Variants in PABPC4L observed in about 807,000 individuals in gnomAD.
PABPC4L encodes the protein polyadenylate-binding protein 4-like.
For missense variants in PABPC4L, 452 were observed against 451.4 expected (o/e 1.00, Z -0.01); for synonymous variants, 169 against 164.1 (o/e 1.03, Z -0.23).
chr4:133,970,666 T>C, the PABPC4L span, among the ~76,000 whole-genome samples: 1 of 152,142 alleles, frequency 6.6e-6, no homozygotes, highest in Non-Finnish European at 1.5e-5. Context: ...CCCTCAAAAT[T>C]CATACGTTGA....
chr4:134,122,511 G>A, the PABPC4L span, among the ~76,000 whole-genome samples: 2 of 151,762 alleles, frequency 1.3e-5, no homozygotes, highest in South Asian at 4.1e-4. Context: ...GTACACTACA[G>A]TCTTAGAAAT....
At chr4:134,121,160 T>C in the PABPC4L span, among the ~76,000 whole-genome samples, 2 of 151,532 alleles carry the variant, frequency 1.3e-5, no homozygotes, top group Non-Finnish European at 3.0e-5. Flanking sequence ...CAATTCTTTA[T>C]GATCTTTATA....
chr4:133,986,617 A>G, the PABPC4L span, among the ~76,000 whole-genome samples: 1 of 152,182 alleles, frequency 6.6e-6, no homozygotes, highest in African/African-American at 2.4e-5. Context: ...ATAGACCAAT[A>G]TGGTCATAAA....
chr4:134,076,339 G>C, the PABPC4L span, among the ~76,000 whole-genome samples: 1 of 152,256 alleles, frequency 6.6e-6, no homozygotes, highest in South Asian at 2.1e-4. Context: ...TGTGGGAGGT[G>C]CCTTCAAAGT....
chr4:134,182,358 C>A, the PABPC4L span, among the ~76,000 whole-genome samples: 1 of 143,348 alleles, frequency 7.0e-6, no homozygotes, highest in East Asian at 1.9e-4. Flanking sequence ...AGGGAAGGGA[C>A]TCTATTATAT....
At chr4:133,987,083 C>A in the PABPC4L span, among the ~76,000 whole-genome samples, 1 of 152,092 alleles carries the variant, frequency 6.6e-6, no homozygotes, top group Admixed American at 6.6e-5. Flanking sequence ...CTGGCTTGAG[C>A]TACAAATGTA....
At chr4:134,101,780 C>A in the PABPC4L span, among the ~76,000 whole-genome samples, 1 of 151,396 alleles carries the variant, frequency 6.6e-6, no homozygotes, top group African/African-American at 2.4e-5. Context: ...GTGGATAAAG[C>A]ATGAGACAAG....
chr4:134,165,347 ACCCAC>A, the PABPC4L span, among the ~76,000 whole-genome samples: 1 of 152,094 alleles, frequency 6.6e-6, no homozygotes, highest in African/African-American at 2.4e-5. Flanking sequence ...TAAAGAGAAA[ACCCAC>A]AGAATGGGAG....
At chr4:133,979,967 A>G in the PABPC4L span, among the ~76,000 whole-genome samples, 1 of 152,104 alleles carries the variant, frequency 6.6e-6, no homozygotes, top group Non-Finnish European at 1.5e-5. Flanking sequence ...TTCTAGCTTT[A>G]ATTTGGTTCA....
the PABPC4L span, among the ~76,000 whole-genome samples, chr4:134,040,337 C>A: frequency 6.6e-6 from 1 of 152,064 alleles, no homozygotes; most frequent in African/African-American, 2.4e-5. Flanking sequence ...TACTACAAGC[C>A]TACAGTAACC....
the PABPC4L span, among the ~76,000 whole-genome samples, chr4:134,072,232 T>C: frequency 2.0e-5 from 3 of 152,280 alleles, no homozygotes; most frequent in East Asian, 5.8e-4. Flanking sequence ...CCCTTTTAGT[T>C]CCAGTTCTCT....
the PABPC4L span, among the ~76,000 whole-genome samples, chr4:133,988,718 C>T: frequency 5.9e-5 from 9 of 152,118 alleles, no homozygotes; most frequent in Admixed American, 5.9e-4. Flanking sequence ...GGATGGTGGC[C>T]CTCTTCTCAC....
the PABPC4L span, among the ~76,000 whole-genome samples, chr4:134,005,580 A>C: frequency 1.7e-4 from 26 of 151,918 alleles, no homozygotes; most frequent in African/African-American, 5.1e-4. Context: ...TTACAGCTGG[A>C]AGAAGATTGA....
At chr4:134,026,993 C>G in the PABPC4L span, among the ~76,000 whole-genome samples, 2 of 152,158 alleles carry the variant, frequency 1.3e-5, no homozygotes, top group African/African-American at 2.4e-5. Context: ...TTTACGTTTT[C>G]TAAGCCACTA....
chr4:134,097,484 G>A, the PABPC4L span, among the ~76,000 whole-genome samples: 3 of 151,854 alleles, frequency 2.0e-5, no homozygotes, highest in Non-Finnish European at 4.4e-5. Flanking sequence ...GAAACAGAGA[G>A]AGAGAGACAG....
At chr4:133,952,951 C>A in the PABPC4L span, among the ~76,000 whole-genome samples, 1 of 152,132 alleles carries the variant, frequency 6.6e-6, no homozygotes, top group South Asian at 2.1e-4. Context: ...CTAGAATGTT[C>A]TGTGCCCCTT....
chr4:134,063,858 G>C, the PABPC4L span, among the ~76,000 whole-genome samples: 1 of 151,876 alleles, frequency 6.6e-6, no homozygotes, highest in African/African-American at 2.4e-5. Flanking sequence ...TGAAATAAAA[G>C]TTTCTCTGAC....
chr4:134,131,714 C>CAAAAAAAAAAAAAAAAAA, the PABPC4L span, among the ~76,000 whole-genome samples: 1 of 10,672 alleles, frequency 9.4e-5, no homozygotes, highest in Non-Finnish European at 1.6e-4. Context: ...CCTGTGAAAC[C>CAAAAAAAAAAAAAAAAAA]AAAAAAAAAA....
chr4:133,954,192 C>T, the PABPC4L span, among the ~76,000 whole-genome samples: 1 of 152,162 alleles, frequency 6.6e-6, no homozygotes, highest in Non-Finnish European at 1.5e-5. Context: ...TCCTTTTGCC[C>T]CCTGATCTTC....
Sources: allele counts gnomAD v4.1 joint callset (sites outside exome capture counted in the v4.1 genomes callset), GRCh38; gene constraint gnomAD v4.1.1; transcripts MANE v1.5; gene names NCBI Gene and HGNC (gene_info 2026-07-23, HGNC 2026-07-21).